CDH8: variants seen among roughly 807,000 people sequenced by gnomAD.
The protein encoded by CDH8 is cadherin-8.
A neutral mutation model predicts 68.1 loss-of-function variants in CDH8; 17 were observed. The ratio of observed to expected loss-of-function variants is 0.25; its 90% CI spans 0.17 to 0.37. CDH8 has a LOEUF of 0.37. Ranked by LOEUF, CDH8 falls within the 10% of genes least tolerant of loss-of-function variation. The pLI is 1.00. For missense variants in CDH8, 763 were observed against 999.3 expected (o/e 0.76, Z 3.19); for synonymous variants, 372 against 365.1 (o/e 1.02, Z -0.21).
At chr16:62,006,342 G>A (rs1223311107) in intron 2 of CDH8, among the ~76,000 whole-genome samples, 1 of 152,150 alleles carries the variant, frequency 6.6e-6, no homozygotes, top group Non-Finnish European at 1.5e-5. Context: ...GGGAGGGGGT[G>A]GCACAGTTTA....
At chr16:61,931,875 C>T (rs927503646) in intron 2 of CDH8, among the ~76,000 whole-genome samples, 14 of 152,078 alleles carry the variant, frequency 9.2e-5, no homozygotes, top group African/African-American at 3.4e-4. Context: ...ACAGATCTAA[C>T]GTACAACTGG....
chr16:61,958,177 C>A (rs1270215820), intron 2 of CDH8, among the ~76,000 whole-genome samples: 1 of 152,114 alleles, frequency 6.6e-6, no homozygotes, highest in African/African-American at 2.4e-5. Flanking sequence ...AAAGCCAAGC[C>A]AACCTGCATG....
intron 8 of CDH8, among the ~76,000 whole-genome samples, chr16:61,765,924 G>C (rs1206328896): frequency 1.3e-5 from 2 of 151,974 alleles, no homozygotes; most frequent in Admixed American, 1.3e-4. Context: ...TCCACCAGGT[G>C]CTAGCTCAGT....
chr16:61,794,206 T>C (rs1488620150), intron 7 of CDH8, among the ~76,000 whole-genome samples: 1 of 151,928 alleles, frequency 6.6e-6, no homozygotes, highest in African/African-American at 2.4e-5. Context: ...CTTGAAGACA[T>C]GACCTGGATT....
At chr16:61,996,402 G>C (rs1443522858) in intron 2 of CDH8, among the ~76,000 whole-genome samples, 1 of 152,190 alleles carries the variant, frequency 6.6e-6, no homozygotes, top group Admixed American at 6.5e-5. Context: ...ACCAGGTGAA[G>C]CAAATTCATG....
At chr16:61,656,237 G>C (rs1963445924) in intron 10 of CDH8, among the ~76,000 whole-genome samples, 1 of 152,076 alleles carries the variant, frequency 6.6e-6, no homozygotes, top group African/African-American at 2.4e-5. Flanking sequence ...ACCCCCTGAC[G>C]GACCAACGGA....
chr16:61,898,380 T>G (rs994590168), intron 3 of CDH8, among the ~76,000 whole-genome samples: 4 of 152,088 alleles, frequency 2.6e-5, no homozygotes, highest in African/African-American at 9.7e-5. Context: ...AAGTGGAGTC[T>G]TGGCAGAAGA....
At chr16:61,833,445 A>C (rs1316017241) in intron 4 of CDH8, among the ~76,000 whole-genome samples, 1 of 151,862 alleles carries the variant, frequency 6.6e-6, no homozygotes, top group Non-Finnish European at 1.5e-5. Context: ...GTATTAATTC[A>C]GTGGTTATGA....
At chr16:61,898,094 G>A (rs1182700713) in intron 3 of CDH8, among the ~76,000 whole-genome samples, 1 of 152,104 alleles carries the variant, frequency 6.6e-6, no homozygotes, top group Non-Finnish European at 1.5e-5. Flanking sequence ...GAGGTCAGGA[G>A]TTCAAAAGCA....
intron 2 of CDH8, among the ~76,000 whole-genome samples, chr16:61,908,309 G>A (rs369996741): frequency 2.6e-4 from 39 of 152,270 alleles, no homozygotes; most frequent in African/African-American, 9.4e-4. Flanking sequence ...TGGGACCAGG[G>A]ACTTTGACAT....
intron 9 of CDH8, among the ~76,000 whole-genome samples, chr16:61,723,113 G>A (rs1034042397): frequency 1.3e-5 from 2 of 150,694 alleles, no homozygotes; most frequent in African/African-American, 4.8e-5. Flanking sequence ...TGCACTGATA[G>A]ATCATCCAGA....
chr16:61,674,801 T>C (rs1963864729), intron 10 of CDH8, among the ~76,000 whole-genome samples: 1 of 152,046 alleles, frequency 6.6e-6, no homozygotes, highest in Non-Finnish European at 1.5e-5. Context: ...ATGGATGTTA[T>C]ATAAATAATA....
chr16:61,721,628 G>T (rs1026417655), intron 9 of CDH8, among the ~76,000 whole-genome samples: 2 of 148,104 alleles, frequency 1.4e-5, no homozygotes, highest in South Asian at 4.3e-4. Context: ...GAATGTCATT[G>T]GTCACAGGAA....
chr16:61,915,704 G>A (rs552956179), intron 2 of CDH8, among the ~76,000 whole-genome samples: 50 of 152,248 alleles, frequency 3.3e-4, no homozygotes, highest in African/African-American at 1.1e-3. Flanking sequence ...TCATCACTGC[G>A]GCAGGGAGTG....
intron 3 of CDH8, among the ~76,000 whole-genome samples, chr16:61,875,384 T>C (rs1327160045): frequency 6.6e-6 from 1 of 152,068 alleles, no homozygotes; most frequent in African/African-American, 2.4e-5. Context: ...TCACCTGAAT[T>C]ACAAACTCTG....
intron 2 of CDH8, among the ~76,000 whole-genome samples, chr16:62,007,944 T>C (rs553846531): frequency 6.6e-6 from 1 of 151,998 alleles, no homozygotes; most frequent in Non-Finnish European, 1.5e-5. Context: ...TAAAATTTAT[T>C]TTTATCTTTA....
intron 8 of CDH8, among the ~76,000 whole-genome samples, chr16:61,768,669 T>C (rs1960701030): frequency 6.6e-6 from 1 of 151,584 alleles, no homozygotes; most frequent in Non-Finnish European, 1.5e-5. Context: ...CTCTTAACAA[T>C]GATCTGCATT....
intron 2 of CDH8, among the ~76,000 whole-genome samples, chr16:61,941,339 T>G (rs923303274): frequency 6.6e-6 from 1 of 152,214 alleles, no homozygotes; most frequent in Non-Finnish European, 1.5e-5. Context: ...CCAAAATGAT[T>G]TGAATTATAA....
chr16:61,926,098 C>T (rs1284913818), intron 2 of CDH8, among the ~76,000 whole-genome samples: 1 of 151,606 alleles, frequency 6.6e-6, no homozygotes, highest in Non-Finnish European at 1.5e-5. Flanking sequence ...TGCTCCAAGC[C>T]ACACAAACTA....
Sources: gnomAD v4.1 joint callset for allele counts (sites outside exome capture counted in the v4.1 genomes callset) on GRCh38, gnomAD v4.1.1 for gene constraint, MANE v1.5 for transcripts, NCBI Gene and HGNC (gene_info 2026-07-23, HGNC 2026-07-21) for gene names.